The following GAB2 variants were observed in gnomAD, a reference collection of about 807,000 sequenced individuals.
The protein encoded by GAB2 is GRB2 associated binding protein 2, also known as GRB2-associated-binding protein 2.
GAB2 carries 26 observed loss-of-function variants against 65.5 expected under a neutral mutation model. That is an observed-to-expected ratio of 0.40 (90% confidence interval 0.29 to 0.55). GAB2 has a LOEUF of 0.55. GAB2 is among the 20% of genes least tolerant of loss of function. The pLI, the probability that GAB2 is intolerant of heterozygous loss-of-function variation, is 0.53. For synonymous variants in GAB2, 321 were observed against 329.6 expected, an observed-to-expected ratio of 0.97 and a Z score of 0.28; for missense variants, 884 against 875.8, an observed-to-expected ratio of 1.01 and a Z score of -0.12.
intron 2 of GAB2, among the ~76,000 whole-genome samples, chr11:78,257,560 T>G (rs1023717311): frequency 1.3e-5 from 2 of 152,240 alleles, no homozygotes; most frequent in Non-Finnish European, 2.9e-5. Context: ...TTATTGCTCC[T>G]ATTCCTGGAG....
chr11:78,238,992 T>C (rs1040228212), intron 3 of GAB2, among the ~76,000 whole-genome samples: 3 of 151,778 alleles, frequency 2.0e-5, no homozygotes, highest in South Asian at 2.1e-4. Context: ...AAAGAAGATA[T>C]ACAAATGGCC....
Position 78,250,312 on chromosome 11 carries a change from C to T in GAB2, c.465G>A (p.Glu155=), listed in dbSNP as rs760101909. 1.2e-6 allele frequency: 2 copies of T among 1,613,590 alleles called. No homozygotes were observed. Among genetic ancestry groups the T allele is most frequent in the Admixed American group, 3.3e-5 (2 of 59,928 alleles). ...AGTGTGATGGGGCTGAGGACTTGCG[C>T]TCTCGGAGAAGGTGCTGGCTAGAGC... ...LSSSSQHLLR[E]RKSSAPSHSS... is the part of the protein sequence containing the mutation. The change falls in exon 3 of 10, where the codon GAG becomes GAA. Residue 155 remains glutamate, a synonymous_variant. Transcript: ENST00000361507.
Position 78,377,706 on chromosome 11 carries a change from G to A in GAB2, c.75+39940C>T, listed in dbSNP as rs112367870. Among the ~76,000 whole-genome samples the A allele has an allele frequency of 7.8e-3, 1,187 of 152,138 alleles. 13 individuals carry two copies. The highest frequency in any genetic ancestry group is 0.027 in the African/African-American group (1,125 of 41,462). On this transcript the variant is annotated intron_variant, in intron 1 of 9. Coordinates refer to ENST00000361507, the MANE Select transcript of GAB2 (RefSeq NM_080491.3). The stretch of plus-strand genomic sequence containing the variant: ...GGCTGACATGAGAATATTATCTATC[G>A]CACAGTATTGTAGCAAAGATTAAAT...
In GAB2 at chr11:78,416,436, A is replaced by T. The variant is rs532768976; in HGVS notation, c.75+1210T>A. Among the ~76,000 whole-genome samples, 9 of 152,350 alleles carry T rather than the reference A, an allele frequency of 5.9e-5. No individual in the cohort carries two copies. In the East Asian group the frequency reaches 1.4e-3, roughly 23 times the overall value. On this transcript the variant is annotated intron_variant, in intron 1 of 9. Transcript: ENST00000361507. ...TTCTGATCTGGGGAGCCAAGACAGGAAATTCTGGTAGGCTTCTGCCTCTCC... is the reference window on the plus strand; with the variant it reads ...TTCTGATCTGGGGAGCCAAGACAGGTAATTCTGGTAGGCTTCTGCCTCTCC...
chr11:78,337,165 C>T (rs982149552), intron 1 of GAB2, among the ~76,000 whole-genome samples: 3 of 152,218 alleles, frequency 2.0e-5, no homozygotes, highest in Non-Finnish European at 4.4e-5. Context: ...GATCTCAACA[C>T]ATTCTTAGCA....
intron 1 of GAB2, among the ~76,000 whole-genome samples, chr11:78,331,535 G>A (rs148706930): frequency 0.01 from 1,545 of 152,208 alleles, 24 homozygotes; most frequent in African/African-American, 0.035. Context: ...GTGAGCCACT[G>A]CGCCCAGCCC....
intron 2 of GAB2, among the ~76,000 whole-genome samples, chr11:78,260,719 G>T (rs879707556): frequency 6.6e-6 from 1 of 152,086 alleles, no homozygotes; most frequent in South Asian, 2.1e-4. Flanking sequence ...TGATCTGCCC[G>T]CCTTGGCCTC....
At chr11:78,412,294 C>T (rs529413523) in intron 1 of GAB2, among the ~76,000 whole-genome samples, 105 of 152,218 alleles carry the variant, frequency 6.9e-4, no homozygotes, top group African/African-American at 2.5e-3. Context: ...GTTAAATAAA[C>T]AGACTGTGTG....
At chr11:78,238,461 T>A (rs1029973728) in intron 3 of GAB2, among the ~76,000 whole-genome samples, 2 of 148,186 alleles carry the variant, frequency 1.3e-5, no homozygotes, top group African/African-American at 5.0e-5. Flanking sequence ...CCAGCCTAGG[T>A]GCCAGACTGA....
At chr11:78,404,509 T>C (rs886795485) in intron 1 of GAB2, among the ~76,000 whole-genome samples, 1 of 152,238 alleles carries the variant, frequency 6.6e-6, no homozygotes, top group Admixed American at 6.5e-5. Flanking sequence ...ATTGTACCAC[T>C]ACACCTCTTG....
In GAB2 at chr11:78,215,528, A is replaced by AT. The variant is rs1864078824; in HGVS notation, c.*3743dup. ...ACAGTGATTTGAAAATTAAATGTCA[A>AT]TTTTAAATGGTAACAAGACAAGAAC... On this transcript the variant is annotated 3_prime_UTR_variant, in exon 10 of 10. Transcript: ENST00000361507. 6.6e-6 allele frequency: 1 copy of AT among 152,646 alleles called. No homozygotes were observed. Among genetic ancestry groups the AT allele is most frequent in the South Asian group, 2.1e-4 (1 of 4,832 alleles). The allele number at this position is 152,646 out of a possible 1,614,324, so 9.5% of individuals were successfully genotyped here. A position where few individuals can be genotyped will look rare whatever the true frequency, so the allele number is the denominator to read the frequency against.
chr11:78,222,488 A>G (rs1357637062), intron 6 of GAB2, among the ~76,000 whole-genome samples: 10 of 150,238 alleles, frequency 6.7e-5, no homozygotes, highest in Non-Finnish European at 1.2e-4. Flanking sequence ...CCCTCAATTT[A>G]TGACTTCATT....
chr11:78,341,821 T>C, intron 1 of GAB2: 1 of 985,198 alleles, frequency 1.0e-6, no homozygotes, highest in Admixed American at 6.1e-5. Context: ...TAGCCTCGCC[T>C]TTGTCTCAGT....
chr11:78,220,299 C>G lies in GAB2; in HGVS notation c.1887+20G>C. 2 of 1,611,564 alleles carry G rather than the reference C, an allele frequency of 1.2e-6. No individual in the cohort carries two copies. Among genetic ancestry groups the G allele is most frequent in the Admixed American group, 1.7e-5 (1 of 59,912 alleles). ...GGACCCTGAGAGCTCTTACTGCCCC[C>G]CCAACTCTACTCCAGGCACCTTGCG... On this transcript the variant is annotated intron_variant, in intron 9 of 9. Transcript: ENST00000361507.
At chr11:78,249,028 G>A (rs1314247003) in intron 3 of GAB2, among the ~76,000 whole-genome samples, 2 of 152,166 alleles carry the variant, frequency 1.3e-5, no homozygotes, top group East Asian at 3.8e-4. Flanking sequence ...ATGAAAATGG[G>A]TATCTGAGGC....
intron 1 of GAB2, among the ~76,000 whole-genome samples, chr11:78,303,640 C>T (rs1390770407): frequency 6.6e-6 from 1 of 152,090 alleles, no homozygotes. Context: ...TTTGGTTATT[C>T]TTGGTCCTTT....
chr11:78,369,182 G>T (rs1397495043), intron 1 of GAB2, among the ~76,000 whole-genome samples: 3 of 150,398 alleles, frequency 2.0e-5, no homozygotes, highest in Admixed American at 2.0e-4. Context: ...AATTCTCAAT[G>T]CCAGGAAAAT....
At chr11:78,351,717 C>G (rs1325042500) in intron 1 of GAB2, among the ~76,000 whole-genome samples, 1 of 152,144 alleles carries the variant, frequency 6.6e-6, no homozygotes, top group African/African-American at 2.4e-5. Flanking sequence ...AAGCAGGGAG[C>G]TAGGTAAGTA....
At chr11:78,380,954 CTG>C (rs1856690063) in intron 1 of GAB2, among the ~76,000 whole-genome samples, 1 of 152,282 alleles carries the variant, frequency 6.6e-6, no homozygotes, top group South Asian at 2.1e-4. Context: ...GTTAAAATTT[CTG>C]TGTCTCTGCC....
Sources: allele counts gnomAD v4.1 joint callset (sites outside exome capture counted in the v4.1 genomes callset), GRCh38; gene constraint gnomAD v4.1.1; transcripts MANE v1.5; gene names NCBI Gene and HGNC (gene_info 2026-07-23, HGNC 2026-07-21).